SLIT2: variants seen among roughly 807,000 people sequenced by gnomAD.
SLIT2 encodes slit guidance ligand 2.
SLIT2 carries 41 observed loss-of-function variants against 185.7 expected under a neutral mutation model. The ratio of observed to expected loss-of-function variants is 0.22; its 90% CI spans 0.17 to 0.29. The LOEUF (loss-of-function observed/expected upper bound fraction) is 0.29. SLIT2 is among the 10% of genes least tolerant of loss of function. The probability of loss-of-function intolerance (pLI) is 1.00; values close to 1 mark genes in which losing one functional copy is unlikely to be tolerated. For missense variants in SLIT2, 1,571 were observed against 1,909.0 expected, an observed-to-expected ratio of 0.82 and a Z score of 3.30; for synonymous variants, 693 against 680.2, an observed-to-expected ratio of 1.02 and a Z score of -0.29.
rs146620609 is a variant in SLIT2, at chr4:20,481,469, A to G, written c.539+682A>G. 2.5e-3 allele frequency among the ~76,000 whole-genome samples: 375 copies of G among 152,232 alleles called. 1 individual carries two copies. Among genetic ancestry groups the G allele is most frequent in the African/African-American group, 8.5e-3 (354 of 41,558 alleles). On this transcript the variant is annotated intron_variant, in intron 6 of 36. Transcript: ENST00000504154. ...AAAACTGTGGTTACTAAAGCATTAT[A>G]TGCCGCCTATACATTTTTCGAATTT... is the stretch of plus-strand genomic sequence containing the variant.
At chr4:20,340,624 G>A (rs981481031) in intron 4 of SLIT2, among the ~76,000 whole-genome samples, 1 of 152,008 alleles carries the variant, frequency 6.6e-6, no homozygotes, top group East Asian at 1.9e-4. Flanking sequence ...TTTTTGAGAT[G>A]GAGTCTCGCT....
At chr4:20,267,593 T>C (rs186793553) in intron 3 of SLIT2, among the ~76,000 whole-genome samples, 57 of 151,900 alleles carry the variant, frequency 3.8e-4, no homozygotes, top group African/African-American at 1.3e-3. Context: ...GAATACATTT[T>C]GAGATAAGCA....
At chr4:20,391,963 C>G (rs144395551) in intron 4 of SLIT2, among the ~76,000 whole-genome samples, 1 of 152,026 alleles carries the variant, frequency 6.6e-6, no homozygotes, top group East Asian at 1.9e-4. Context: ...CCAGAGATCA[C>G]TCATCAGTTC....
intron 17 of SLIT2, 120 bp downstream of exon 17, chr4:20,532,178 G>C: frequency 1.7e-6 from 1 of 604,320 alleles, no homozygotes; most frequent in Non-Finnish European, 2.9e-6. Context: ...CTATGATGAT[G>C]ACCTGTAACA....
rs1717805018 is a variant in SLIT2 at position 20,491,793 on chromosome 4, G to A, written c.808G>A (p.Val270Ile). Reference sequence around the variant, plus strand: ...GTCATTTATGGCTCCTTCTTGTAGTGTTTTGCACTGCCCTGCCGCCTGTAC... The same window carrying A: ...GTCATTTATGGCTCCTTCTTGTAGTATTTTGCACTGCCCTGCCGCCTGTAC... ...HQSFMAPSCS[V>I]LHCPAACTCS... Residue 270 changes from valine to isoleucine, a missense_variant, in exon 9 of 37, where the codon GTT (valine) becomes ATT (isoleucine). Physicochemically the swap from Val to Ile is conservative, Grantham distance 29 (BLOSUM62 3). This residue lies in a region of SLIT2 where 1,202 missense variants were observed against 1,416.4 expected (regional missense o/e 0.85). Transcript: ENST00000504154. The A allele has an allele frequency of 6.2e-7, 1 of 1,613,574 alleles. No homozygotes were observed. The highest frequency in any genetic ancestry group is 8.5e-7 in the Non-Finnish European group (1 of 1,179,710).
rs1055736601 is a variant in SLIT2, at chr4:20,586,411, C to G, written c.3089-3233C>G. Among the ~76,000 whole-genome samples the G allele has an allele frequency of 1.2e-4, 18 of 152,214 alleles. No individual in the cohort carries two copies. In the East Asian group the frequency reaches 3.1e-3, roughly 26 times the overall value. On this transcript the variant is annotated intron_variant, in intron 29 of 36. Coordinates refer to ENST00000504154, the MANE Select transcript of SLIT2 (RefSeq NM_004787.4). Reference sequence around the variant, plus strand: ...AAAGCATGATTCCTCCTTTTAATGACTATTATTTGAGTATGTCAGCATACC... The same window carrying G: ...AAAGCATGATTCCTCCTTTTAATGAGTATTATTTGAGTATGTCAGCATACC...
At chr4:20,306,804 T>G (rs1048709954) in intron 4 of SLIT2, among the ~76,000 whole-genome samples, 3 of 152,166 alleles carry the variant, frequency 2.0e-5, no homozygotes, top group African/African-American at 4.8e-5. Flanking sequence ...GATTCCAGAT[T>G]ATTGGTGACC....
intron 4 of SLIT2, among the ~76,000 whole-genome samples, chr4:20,455,276 A>C (rs1227977906): frequency 6.6e-6 from 1 of 152,160 alleles, no homozygotes; most frequent in East Asian, 1.9e-4. Context: ...AGGTAGAATT[A>C]AGGGAAGAAC....
chr4:20,454,956 T>TA lies in SLIT2; in HGVS notation c.396-12786dup, dbSNP rs60314105. Among the ~76,000 whole-genome samples the TA allele has an allele frequency of 4.4e-3, 656 of 149,840 alleles. 3 individuals carry two copies. Among genetic ancestry groups the TA allele is most frequent in the East Asian group, 0.018 (92 of 5,102 alleles). The stretch of plus-strand genomic sequence containing the variant: ...AATAAGAAGCAAAGACATGCCAATT[T>TA]AAAAAAAAAATGCTCTTTTTCTCTG... On this transcript the variant is annotated intron_variant, in intron 4 of 36. Coordinates refer to ENST00000504154, the MANE Select transcript of SLIT2 (RefSeq NM_004787.4).
At chr4:20,397,560 T>C (rs1209863127) in intron 4 of SLIT2, among the ~76,000 whole-genome samples, 2 of 151,814 alleles carry the variant, frequency 1.3e-5, no homozygotes, top group Non-Finnish European at 2.9e-5. Flanking sequence ...CCTTTTCTTC[T>C]ACAATTTTGC....
intron 31 of SLIT2, 32 bp from the exon 32 acceptor site, chr4:20,596,383 T>C: frequency 6.2e-7 from 1 of 1,604,068 alleles, no homozygotes; most frequent in South Asian, 1.1e-5. Flanking sequence ...TAAAATCGTA[T>C]TAACTAATTT....
chr4:20,453,972 C>T (rs1249770903), intron 4 of SLIT2, among the ~76,000 whole-genome samples: 1 of 152,192 alleles, frequency 6.6e-6, no homozygotes, highest in East Asian at 1.9e-4. Flanking sequence ...TAAACCCACA[C>T]TGTACTCTCT....
chr4:20,286,678 T>C (rs1715299790), intron 4 of SLIT2, among the ~76,000 whole-genome samples: 1 of 152,132 alleles, frequency 6.6e-6, no homozygotes, highest in Admixed American at 6.5e-5. Flanking sequence ...AGCGTGTGCC[T>C]GCAGTCCCAG....
chr4:20,322,964 G>C (rs1044205059), intron 4 of SLIT2, among the ~76,000 whole-genome samples: 2 of 152,116 alleles, frequency 1.3e-5, no homozygotes, highest in Admixed American at 6.6e-5. Flanking sequence ...TTTTAAAAAT[G>C]CTTCAGAGTT....
At chr4:20,317,717 T>A (rs1718722381) in intron 4 of SLIT2, among the ~76,000 whole-genome samples, 1 of 152,028 alleles carries the variant, frequency 6.6e-6, no homozygotes, top group Admixed American at 6.6e-5. Flanking sequence ...TCGTGCTTAG[T>A]TATCATATGC....
chr4:20,580,410 CGTGT>C (rs58904041), intron 29 of SLIT2, among the ~76,000 whole-genome samples: 23,163 of 148,466 alleles, frequency 0.16, 2,078 homozygotes, highest in Non-Finnish European at 0.21. Context: ...ATATATTATA[CGTGT>C]GTGTGTGTGT....
intron 9 of SLIT2, among the ~76,000 whole-genome samples, chr4:20,499,201 A>G (rs188719080): frequency 6.9e-4 from 105 of 152,248 alleles, no homozygotes; most frequent in Admixed American, 5.8e-3. Context: ...ATACTTGTTC[A>G]TATCATTTGC....
intron 11 of SLIT2, among the ~76,000 whole-genome samples, chr4:20,515,021 ATTAC>A (rs1488990864): frequency 6.6e-6 from 1 of 152,148 alleles, no homozygotes; most frequent in East Asian, 1.9e-4. Context: ...TTTTCTGCTT[ATTAC>A]TTGGAAACTT....
intron 3 of SLIT2, among the ~76,000 whole-genome samples, chr4:20,260,574 C>T (rs1268806457): frequency 6.6e-6 from 1 of 151,684 alleles, no homozygotes; most frequent in Non-Finnish European, 1.5e-5. Context: ...CATAGTTATA[C>T]ATTTTTCTTT....
Sources: allele counts gnomAD v4.1 joint callset (sites outside exome capture counted in the v4.1 genomes callset), GRCh38; gene constraint gnomAD v4.1.1; regional missense constraint gnomAD v4.1.1; transcripts MANE v1.5; gene names NCBI Gene and HGNC (gene_info 2026-07-23, HGNC 2026-07-21).